The following QTMAN variants were observed in gnomAD, a reference collection of about 807,000 sequenced individuals.
QTMAN encodes queuosine-tRNA mannosyltransferase.
the QTMAN span, among the ~76,000 whole-genome samples, chr2:143,989,528 GA>G: frequency 6.6e-6 from 1 of 152,152 alleles, no homozygotes. Flanking sequence ...GAATGAGGAT[GA>G]TTAGGCAGAC....
At chr2:144,284,858 C>T in the QTMAN span, among the ~76,000 whole-genome samples, 2 of 151,590 alleles carry the variant, frequency 1.3e-5, no homozygotes, top group Admixed American at 6.6e-5. Context: ...CACGGCAAGA[C>T]CTCATCTCTA....
chr2:144,113,441 G>T, the QTMAN span, among the ~76,000 whole-genome samples: 1 of 151,796 alleles, frequency 6.6e-6, no homozygotes, highest in African/African-American at 2.4e-5. Flanking sequence ...GGGGAAAAAT[G>T]ACCAATGTTT....
chr2:143,990,720 C>T, the QTMAN span, among the ~76,000 whole-genome samples: 1 of 151,846 alleles, frequency 6.6e-6, no homozygotes, highest in African/African-American at 2.4e-5. Context: ...GATAAAATTC[C>T]AAAAAATATA....
At chr2:144,192,547 C>A in the QTMAN span, among the ~76,000 whole-genome samples, 5 of 152,226 alleles carry the variant, frequency 3.3e-5, no homozygotes, top group African/African-American at 4.8e-5. Context: ...AGCATATTTA[C>A]CTTCAGTCTC....
At chr2:144,173,187 T>C in the QTMAN span, among the ~76,000 whole-genome samples, 1 of 152,206 alleles carries the variant, frequency 6.6e-6, no homozygotes, top group Non-Finnish European at 1.5e-5. Flanking sequence ...GTTTTTAAGA[T>C]ACTCTCCTCA....
At chr2:143,972,025 A>G in the QTMAN span, among the ~76,000 whole-genome samples, 2 of 152,182 alleles carry the variant, frequency 1.3e-5, no homozygotes, top group South Asian at 2.1e-4. Context: ...TTTAAGTTCT[A>G]TATCTCTCAG....
the QTMAN span, among the ~76,000 whole-genome samples, chr2:144,251,739 A>G: frequency 1.3e-5 from 2 of 152,262 alleles, no homozygotes; most frequent in African/African-American, 4.8e-5. Context: ...CAACTTCATT[A>G]AAATGAAAAA....
chr2:144,181,007 T>C, the QTMAN span, among the ~76,000 whole-genome samples: 1 of 152,198 alleles, frequency 6.6e-6, no homozygotes, highest in Non-Finnish European at 1.5e-5. Flanking sequence ...TCATGAGCTA[T>C]ATTTATCATA....
chr2:144,189,031 T>G, the QTMAN span, among the ~76,000 whole-genome samples: 1 of 152,106 alleles, frequency 6.6e-6, no homozygotes, highest in Admixed American at 6.5e-5. Context: ...CTACAACTGG[T>G]GAAGGTAAAA....
the QTMAN span, among the ~76,000 whole-genome samples, chr2:144,176,016 G>T: frequency 6.6e-6 from 1 of 152,022 alleles, no homozygotes; most frequent in East Asian, 1.9e-4. Flanking sequence ...GGGGTGATGA[G>T]AACTTCAATA....
the QTMAN span, among the ~76,000 whole-genome samples, chr2:143,967,110 C>T: frequency 1.3e-5 from 2 of 152,162 alleles, no homozygotes; most frequent in Non-Finnish European, 2.9e-5. Context: ...GAGTCTGTTT[C>T]CCTACCTATA....
chr2:144,025,522 G>A, the QTMAN span, among the ~76,000 whole-genome samples: 1 of 152,172 alleles, frequency 6.6e-6, no homozygotes, highest in Admixed American at 6.5e-5. Context: ...GTGCGGGGAG[G>A]GAGCTAGGCT....
At chr2:144,015,078 T>C in the QTMAN span, among the ~76,000 whole-genome samples, 1 of 152,182 alleles carries the variant, frequency 6.6e-6, no homozygotes, top group African/African-American at 2.4e-5. Flanking sequence ...TAAAATCCCT[T>C]TAGGATATAT....
the QTMAN span, among the ~76,000 whole-genome samples, chr2:144,019,704 T>A: frequency 2.0e-5 from 3 of 152,072 alleles, no homozygotes; most frequent in Admixed American, 2.0e-4. Context: ...GCTTCCTAAC[T>A]TGAGGGGTTA....
the QTMAN span, among the ~76,000 whole-genome samples, chr2:144,202,224 A>T: frequency 2.4e-4 from 36 of 152,192 alleles, 1 homozygote; most frequent in African/African-American, 8.4e-4. Context: ...GCCTAAAGAA[A>T]GGATAAGGAA....
At chr2:144,187,091 T>C in the QTMAN span, among the ~76,000 whole-genome samples, 1 of 152,214 alleles carries the variant, frequency 6.6e-6, no homozygotes, top group African/African-American at 2.4e-5. Context: ...TTATTCATAC[T>C]ACTCTGTGGA....
At chr2:144,305,634 G>C in the QTMAN span, among the ~76,000 whole-genome samples, 7 of 152,116 alleles carry the variant, frequency 4.6e-5, no homozygotes, top group Non-Finnish European at 1.0e-4. Flanking sequence ...CTTTTCTGAA[G>C]AAGAAAAATG....
the QTMAN span, among the ~76,000 whole-genome samples, chr2:144,240,289 A>G: frequency 6.6e-6 from 1 of 152,216 alleles, no homozygotes; most frequent in African/African-American, 2.4e-5. Context: ...CATTGCTTAA[A>G]GGTTAATGAA....
chr2:144,276,184 C>T, the QTMAN span, among the ~76,000 whole-genome samples: 11 of 151,566 alleles, frequency 7.3e-5, no homozygotes, highest in Non-Finnish European at 1.6e-4. Flanking sequence ...ATTTGGAGTG[C>T]GTGGAAAATA....
Sources: gnomAD v4.1 joint callset for allele counts (sites outside exome capture counted in the v4.1 genomes callset) on GRCh38, gnomAD v4.1.1 for gene constraint, MANE v1.5 for transcripts, NCBI Gene and HGNC (gene_info 2026-07-23, HGNC 2026-07-21) for gene names.